Variants in CACNA1C observed in about 807,000 individuals in gnomAD.
CACNA1C encodes calcium voltage-gated channel subunit alpha1 C.
Under a neutral mutation model 229.0 loss-of-function variants are expected in CACNA1C, and 30 were observed. The observed-to-expected ratio is 0.13, with a 90% CI of 0.10 to 0.18. CACNA1C has a LOEUF of 0.18. Among genes scored for constraint, CACNA1C ranks in the 10% least tolerant of loss-of-function variants. CACNA1C has a pLI of 1.00. For missense variants in CACNA1C, 1,658 were observed against 2,845.0 expected, an observed-to-expected ratio of 0.58 and a Z score of 9.49; for synonymous variants, 1,114 against 1,132.5, an observed-to-expected ratio of 0.98 and a Z score of 0.33.
At chr12:2,227,286 G>A (rs2063300763) in intron 3 of CACNA1C, among the ~76,000 whole-genome samples, 1 of 152,170 alleles carries the variant, frequency 6.6e-6, no homozygotes, top group Admixed American at 6.5e-5. Flanking sequence ...TTTGAGTGCT[G>A]ATTCGGGAAT....
intron 1 of CACNA1C, among the ~76,000 whole-genome samples, chr12:2,075,535 A>C (rs1202421616): frequency 1.3e-5 from 2 of 152,202 alleles, no homozygotes; most frequent in Admixed American, 1.3e-4. Context: ...TTGTTTTCTG[A>C]GCTCTGGCTT....
At chr12:2,008,696 A>G (rs2043893326) in intron 1 of CACNA1C, among the ~76,000 whole-genome samples, 1 of 152,236 alleles carries the variant, frequency 6.6e-6, no homozygotes, top group South Asian at 2.1e-4. Flanking sequence ...AGGGAGATAG[A>G]AAAACATGGA....
At chr12:2,468,409 AAG>A (rs1394306540) in intron 5 of CACNA1C, among the ~76,000 whole-genome samples, 1 of 152,232 alleles carries the variant, frequency 6.6e-6, no homozygotes, top group African/African-American at 2.4e-5. Context: ...TTCAGACTCA[AAG>A]AGCTTGATTA....
rs573003520 is a variant in CACNA1C at position 2,009,063 on chromosome 12, G to A, written c.139+37862G>A. Among the ~76,000 whole-genome samples the A allele has an allele frequency of 7.9e-5, 12 of 152,078 alleles. No homozygotes were observed. The South Asian group carries it at 1.0e-3, about 13-fold the overall frequency. On this transcript the variant is annotated intron_variant, in intron 1 of 46. Transcript: ENST00000682462. Reference sequence around the variant, plus strand: ...CCGTGTAACTTCCATTTCTGTTGGCGCCCAGAGTGCTGGCGTACTTCCACT... The same window carrying A: ...CCGTGTAACTTCCATTTCTGTTGGCACCCAGAGTGCTGGCGTACTTCCACT...
At chr12:2,482,344 G>A (rs1251248880) in intron 5 of CACNA1C, among the ~76,000 whole-genome samples, 2 of 152,228 alleles carry the variant, frequency 1.3e-5, no homozygotes, top group Admixed American at 6.5e-5. Context: ...CTGTCTAAGC[G>A]TGTGGGGGGC....
chr12:2,305,063 G>A (rs1328312641), intron 3 of CACNA1C, among the ~76,000 whole-genome samples: 1 of 152,192 alleles, frequency 6.6e-6, no homozygotes, highest in Non-Finnish European at 1.5e-5. Flanking sequence ...TGGGAGGACT[G>A]CTGGGCAGAG....
intron 3 of CACNA1C, among the ~76,000 whole-genome samples, chr12:2,129,933 G>A (rs1164805432): frequency 6.6e-6 from 1 of 152,152 alleles, no homozygotes; most frequent in Non-Finnish European, 1.5e-5. Context: ...TCCTGATTGA[G>A]GACCTATGGG....
chr12:2,271,096 G>C (rs759734873), intron 3 of CACNA1C, among the ~76,000 whole-genome samples: 1 of 152,118 alleles, frequency 6.6e-6, no homozygotes, highest in Non-Finnish European at 1.5e-5. Flanking sequence ...GGGCCCGATA[G>C]GCTCTGTCAC....
At chr12:2,376,758 A>G (rs1329266670) in intron 3 of CACNA1C, among the ~76,000 whole-genome samples, 4 of 152,160 alleles carry the variant, frequency 2.6e-5, no homozygotes, top group Admixed American at 6.5e-5. Context: ...AGGCTAAGCA[A>G]TCCTACATTC....
chr12:2,162,539 G>A (rs567762838), intron 3 of CACNA1C, among the ~76,000 whole-genome samples: 1 of 152,172 alleles, frequency 6.6e-6, no homozygotes, highest in South Asian at 2.1e-4. Context: ...CAGTAAGCCT[G>A]CCCACTGAAT....
chr12:2,143,484 A>G (rs916092903), intron 3 of CACNA1C, among the ~76,000 whole-genome samples: 1 of 150,932 alleles, frequency 6.6e-6, no homozygotes, highest in African/African-American at 2.4e-5. Context: ...TATGTACCTT[A>G]TCTATGTTTA....
At chr12:2,214,146 G>A (rs1021813878) in intron 3 of CACNA1C, among the ~76,000 whole-genome samples, 1 of 152,194 alleles carries the variant, frequency 6.6e-6, no homozygotes, top group Non-Finnish European at 1.5e-5. Context: ...GTGAGGAAGA[G>A]CAGGCAGAGT....
intron 3 of CACNA1C, among the ~76,000 whole-genome samples, chr12:2,205,199 G>A (rs888694300): frequency 6.6e-6 from 1 of 152,208 alleles, no homozygotes; most frequent in Non-Finnish European, 1.5e-5. Context: ...GAAGGGCTGG[G>A]TGAAACTAGG....
chr12:2,096,173 G>T (rs2073866592), intron 1 of CACNA1C, among the ~76,000 whole-genome samples: 1 of 152,232 alleles, frequency 6.6e-6, no homozygotes, highest in African/African-American at 2.4e-5. Flanking sequence ...TCCGATGCCT[G>T]ATTTTTAACG....
At chr12:2,673,338 T>C (rs902332099) in intron 38 of CACNA1C, among the ~76,000 whole-genome samples, 8 of 152,002 alleles carry the variant, frequency 5.3e-5, no homozygotes, top group African/African-American at 1.7e-4. Flanking sequence ...TGGTGGCCCA[T>C]GCCTGTAATC....
rs1275301581 is a variant in CACNA1C, at chr12:2,611,837, A to G, written c.3718-66A>G. On this transcript the variant is annotated intron_variant, in intron 28 of 46. Coordinates refer to ENST00000399655, the MANE Select transcript of CACNA1C (RefSeq NM_000719.7). ...GCGAGGGCCTTCGAGAAGGCTGGGCAAAAGGTGGGGAGGAGGAGCGACCTC... is the reference window on the plus strand; with the variant it reads ...GCGAGGGCCTTCGAGAAGGCTGGGCGAAAGGTGGGGAGGAGGAGCGACCTC... The G allele has an allele frequency of 2.9e-6, 3 of 1,020,126 alleles. No homozygotes were observed. The Admixed American group carries it at 5.5e-5, about 19-fold the overall frequency. The allele number at this position is 1,020,126 out of a possible 1,614,324, so 63.2% of individuals were successfully genotyped here. A position where few individuals can be genotyped will look rare whatever the true frequency, so the allele number is the denominator to read the frequency against.
intron 14 of CACNA1C, 97 bp downstream of exon 14, chr12:2,581,894 A>G (rs536846738): frequency 2.2e-5 from 16 of 736,844 alleles, no homozygotes; most frequent in Admixed American, 6.4e-5. Context: ...CCGGGCAGCC[A>G]CAGCCATCCT....
In CACNA1C at chr12:2,680,168, C is replaced by T. The variant is rs561533311; in HGVS notation, c.5444+372C>T. 2.6e-5 allele frequency among the ~76,000 whole-genome samples: 4 copies of T among 152,306 alleles called. No individual in the cohort carries two copies. In the South Asian group the frequency reaches 6.2e-4, roughly 24 times the overall value. ...GCCCAAACCTGGCCTTTCTCCCAGC[C>T]GAGATGGGAATGGTGTTTCCATTGC... is the stretch of plus-strand genomic sequence containing the variant. On this transcript the variant is annotated intron_variant, in intron 42 of 46. Transcript: ENST00000399655.
intron 3 of CACNA1C, among the ~76,000 whole-genome samples, chr12:2,176,302 C>T (rs777033147): frequency 9.9e-5 from 15 of 151,906 alleles, no homozygotes; most frequent in Non-Finnish European, 2.1e-4. Context: ...TGGTAGGAGA[C>T]GGGCCTAGAG....
Sources: gnomAD v4.1 joint callset for allele counts (sites outside exome capture counted in the v4.1 genomes callset) on GRCh38, gnomAD v4.1.1 for gene constraint, MANE v1.5 for transcripts, NCBI Gene and HGNC (gene_info 2026-07-23, HGNC 2026-07-21) for gene names.